CNTNAP2: variants seen among roughly 807,000 people sequenced by gnomAD.
CNTNAP2 encodes contactin associated protein 2.
A neutral mutation model predicts 155.2 loss-of-function variants in CNTNAP2; 98 were observed. That is an observed-to-expected ratio of 0.63 (90% CI 0.54 to 0.75). CNTNAP2 has a LOEUF of 0.75. Among genes scored for constraint, CNTNAP2 ranks in the 30% least tolerant of loss-of-function variants. The probability of loss-of-function intolerance (pLI) is 0.00; values close to 1 mark genes in which losing one functional copy is unlikely to be tolerated. For missense variants in CNTNAP2, 1,727 were observed against 1,688.1 expected (o/e 1.02, Z -0.40); for synonymous variants, 651 against 631.2 (o/e 1.03, Z -0.47).
chr7:148,326,864 C>A (rs1472795253), intron 21 of CNTNAP2, among the ~76,000 whole-genome samples: 161 of 128,932 alleles, frequency 1.2e-3, no homozygotes, highest in South Asian at 1.3e-3. Context: ...GACCCCGTCT[C>A]AAAAAAAAAA....
chr7:146,929,988 G>C (rs528557186), intron 3 of CNTNAP2, among the ~76,000 whole-genome samples: 1 of 152,304 alleles, frequency 6.6e-6, no homozygotes, highest in Non-Finnish European at 1.5e-5. Context: ...GTGATGGGGA[G>C]AATGGAACCA....
rs112597706 is a variant in CNTNAP2, at chr7:146,531,586, C to T, written c.98-242685C>T. Among the ~76,000 whole-genome samples, 560 of 152,204 alleles carry T rather than the reference C, an allele frequency of 3.7e-3. 5 individuals are homozygous for T. Among genetic ancestry groups the T allele is most frequent in the Non-Finnish European group, 4.9e-3 (331 of 68,006 alleles). On this transcript the variant is annotated intron_variant, in intron 1 of 23. Transcript: ENST00000361727. ...ATTGAGGCGGAGTCTCGCTCAGTTG[C>T]CCAGGCTGGAGTGCAATGGCATGAT...
intron 8 of CNTNAP2, among the ~76,000 whole-genome samples, chr7:147,198,324 C>G (rs1802848925): frequency 6.8e-6 from 1 of 148,138 alleles, no homozygotes; most frequent in African/African-American, 2.5e-5. Context: ...CTCTGCCACC[C>G]AGGTTCCAGC....
intron 1 of CNTNAP2, among the ~76,000 whole-genome samples, chr7:146,585,465 C>A (rs966328622): frequency 6.6e-6 from 1 of 152,038 alleles, no homozygotes; most frequent in East Asian, 1.9e-4. Context: ...TTTCAGCACC[C>A]GAGCCTTAAA....
At chr7:147,914,634 C>T (rs1800127605) in intron 14 of CNTNAP2, among the ~76,000 whole-genome samples, 1 of 152,038 alleles carries the variant, frequency 6.6e-6, no homozygotes, top group Non-Finnish European at 1.5e-5. Flanking sequence ...GATCTTGGCT[C>T]ACTGCAACCT....
chr7:146,474,803 G>C (rs1796850351), intron 1 of CNTNAP2, among the ~76,000 whole-genome samples: 1 of 152,138 alleles, frequency 6.6e-6, no homozygotes, highest in Admixed American at 6.5e-5. Context: ...GAAAGATGTT[G>C]GCATTTATAT....
intron 15 of CNTNAP2, among the ~76,000 whole-genome samples, chr7:148,106,544 AGAGACGAGGTCT>A (rs1804227723): frequency 6.8e-6 from 1 of 146,902 alleles, no homozygotes; most frequent in African/African-American, 2.6e-5. Flanking sequence ...CCTAATAAAT[AGAGACGAGGTCT>A]CACTATGTCG....
chr7:147,915,271 G>A (rs1028377723), intron 14 of CNTNAP2, among the ~76,000 whole-genome samples: 6 of 144,232 alleles, frequency 4.2e-5, no homozygotes, highest in East Asian at 4.1e-4. Flanking sequence ...CTCAGCGGGC[G>A]CCGTGAAACT....
intron 1 of CNTNAP2, among the ~76,000 whole-genome samples, chr7:146,415,165 A>G (rs1795921113): frequency 6.6e-6 from 1 of 152,122 alleles, no homozygotes; most frequent in Non-Finnish European, 1.5e-5. Flanking sequence ...CAGTCCATGA[A>G]GAAAGTAACT....
At chr7:148,355,233 G>A (rs1798492898) in intron 21 of CNTNAP2, among the ~76,000 whole-genome samples, 1 of 125,754 alleles carries the variant, frequency 8.0e-6, no homozygotes, top group Non-Finnish European at 1.6e-5. Flanking sequence ...CCAGGCTGGA[G>A]TGCAGTGGTG....
At chr7:146,200,015 A>G (rs1247354364) in intron 1 of CNTNAP2, among the ~76,000 whole-genome samples, 2 of 152,224 alleles carry the variant, frequency 1.3e-5, no homozygotes, top group African/African-American at 4.8e-5. Flanking sequence ...TTCTAAGGAT[A>G]TCTCAATTTA....
chr7:146,529,372 G>T (rs1797735679), intron 1 of CNTNAP2, among the ~76,000 whole-genome samples: 1 of 152,106 alleles, frequency 6.6e-6, no homozygotes, highest in African/African-American at 2.4e-5. Context: ...TTCAGTCTCT[G>T]TGTCCAGAGC....
intron 9 of CNTNAP2, among the ~76,000 whole-genome samples, chr7:147,352,851 A>T (rs964389938): frequency 6.6e-6 from 1 of 151,986 alleles, no homozygotes; most frequent in African/African-American, 2.4e-5. Context: ...AGTATTGCAA[A>T]CAGCAGTTCA....
intron 1 of CNTNAP2, among the ~76,000 whole-genome samples, chr7:146,301,574 C>T (rs1238104383): frequency 1.3e-5 from 2 of 151,868 alleles, no homozygotes; most frequent in Non-Finnish European, 2.9e-5. Context: ...TGTAGTGAGC[C>T]CAAATTGTGC....
chr7:148,345,820 C>A (rs963261167), intron 21 of CNTNAP2, among the ~76,000 whole-genome samples: 2 of 152,038 alleles, frequency 1.3e-5, no homozygotes, highest in African/African-American at 2.4e-5. Context: ...CTGTTCTAAA[C>A]TTCCGTATTT....
intron 1 of CNTNAP2, among the ~76,000 whole-genome samples, chr7:146,682,389 C>T (rs778091792): frequency 6.6e-5 from 10 of 152,036 alleles, no homozygotes; most frequent in Admixed American, 1.3e-4. Context: ...GGTTTGGAAC[C>T]GTTTATAGTA....
At chr7:146,652,279 T>G (rs1211882113) in intron 1 of CNTNAP2, among the ~76,000 whole-genome samples, 1 of 152,184 alleles carries the variant, frequency 6.6e-6, no homozygotes, top group African/African-American at 2.4e-5. Context: ...AGGAACATTT[T>G]CTGAATGACA....
At position 147,834,051 on chromosome 7, in the gene CNTNAP2, T is replaced by TA. The variant is rs1798595911; in HGVS notation, c.2099-69514_2099-69513insA. On this transcript the variant is annotated intron_variant, in intron 13 of 23. Transcript: ENST00000361727. Reference sequence around the variant, plus strand: ...AAGATTAGATATGGGTTACTTTTTCTTTCCACACTAGTGAGTCAATATAAT... The same window carrying TA: ...AAGATTAGATATGGGTTACTTTTTCTATTCCACACTAGTGAGTCAATATAAT... Among the ~76,000 whole-genome samples, 4 of 152,358 alleles carry TA rather than the reference T, an allele frequency of 2.6e-5. No individual in the cohort carries two copies. The East Asian group carries it at 7.7e-4, about 29-fold the overall frequency.
chr7:147,775,514 T>C (rs1797571779), intron 13 of CNTNAP2, among the ~76,000 whole-genome samples: 1 of 147,690 alleles, frequency 6.8e-6, no homozygotes. Context: ...TATGGGTAAA[T>C]TTTCTGCTGG....
Sources: gnomAD v4.1 joint callset for allele counts (sites outside exome capture counted in the v4.1 genomes callset) on GRCh38, gnomAD v4.1.1 for gene constraint, MANE v1.5 for transcripts, NCBI Gene and HGNC (gene_info 2026-07-23, HGNC 2026-07-21) for gene names.